Variants in RERE observed in about 807,000 individuals in gnomAD.
The protein encoded by RERE is arginine-glutamic acid dipeptide repeats.
In RERE, 40 loss-of-function variants were observed where a neutral mutation model predicts 146.1. That is an observed-to-expected ratio of 0.27 (90% CI 0.21 to 0.36). The LOEUF (loss-of-function observed/expected upper bound fraction) is 0.36, where lower values mean the gene tolerates loss of function less well. RERE is among the 10% of genes least tolerant of loss of function. The probability of loss-of-function intolerance (pLI) is 1.00; values close to 1 mark genes in which losing one functional copy is unlikely to be tolerated. For missense variants in RERE, 1,933 were observed against 2,138.7 expected (o/e 0.90, Z 1.90); for synonymous variants, 1,003 against 866.0 (o/e 1.16, Z -2.78).
At chr1:8,472,324 G>A (rs1007035637) in intron 10 of RERE, among the ~76,000 whole-genome samples, 3 of 152,142 alleles carry the variant, frequency 2.0e-5, no homozygotes, top group African/African-American at 7.2e-5. Flanking sequence ...ACATTACGTA[G>A]ATTTCAAATT....
intron 11 of RERE, among the ~76,000 whole-genome samples, chr1:8,445,383 C>T (rs183283574): frequency 6.6e-6 from 1 of 152,342 alleles, no homozygotes; most frequent in East Asian, 1.9e-4. Flanking sequence ...TGTTCAAGGA[C>T]AGTAAAAAGC....
Position 8,361,830 on chromosome 1 carries a change from T to G in RERE, c.1949A>C (p.Gln650Pro), listed in dbSNP as rs200900829. 1.4e-5 allele frequency: 22 copies of G among 1,614,142 alleles called. No individual in the cohort carries two copies. In the African/African-American group the frequency reaches 2.8e-4, roughly 21 times the overall value. The change falls in exon 17 of 23, where the codon CAG (glutamine) becomes CCG (proline). Residue 650 changes from glutamine to proline, a missense_variant. Gln to Pro is a moderately conservative substitution (Grantham distance 76). Coordinates refer to ENST00000400908, the MANE Select transcript of RERE (RefSeq NM_001042681.2). Reference sequence around the variant, plus strand: ...CGTATCAGAGGCCACCTTCTCCCGCTGGCGTTTGTTACTCTTAAGAGGGGA... The same window carrying G: ...CGTATCAGAGGCCACCTTCTCCCGCGGGCGTTTGTTACTCTTAAGAGGGGA... ...ASSPLKSNKR[Q>P]REKVASDTEE...
At chr1:8,413,319 T>A (rs1318643542) in intron 12 of RERE, among the ~76,000 whole-genome samples, 1 of 152,134 alleles carries the variant, frequency 6.6e-6, no homozygotes, top group Non-Finnish European at 1.5e-5. Context: ...AGTCCAAGAA[T>A]AAAATAAAAT....
Position 8,360,330 on chromosome 1 carries a change from C to T in RERE, c.3177G>A (p.Pro1059=), listed in dbSNP as rs747369023. 62 of 1,520,084 alleles carry T rather than the reference C, an allele frequency of 4.1e-5. No individual in the cohort carries two copies. Among genetic ancestry groups the T allele is most frequent in the Admixed American group, 3.5e-4 (17 of 48,982 alleles). 94.2% of individuals were successfully genotyped at this position (1,520,084 alleles called of 1,614,324 possible). A position where few individuals can be genotyped will look rare whatever the true frequency, so the allele number is the denominator to read the frequency against. ...PPTCPSTSTP[P]AGPGTSAQPP... The stretch of plus-strand genomic sequence containing the variant: ...GCTGGGCCGAGGTGCCAGGTCCCGC[C>T]GGTGGGGTAGAGGTGGAGGGGCAGG... The change falls in exon 18 of 23, where the codon CCG becomes CCA. Residue 1059 remains proline, a synonymous_variant. Coordinates refer to ENST00000400908, the MANE Select transcript of RERE (RefSeq NM_001042681.2).
chr1:8,526,834 A>C (rs543798964), intron 7 of RERE, among the ~76,000 whole-genome samples: 1 of 152,352 alleles, frequency 6.6e-6, no homozygotes, highest in East Asian at 1.9e-4. Context: ...AGGCAGATCC[A>C]TATAAGAAAT....
chr1:8,416,728 AT>A (rs1260080384), intron 12 of RERE, among the ~76,000 whole-genome samples: 1 of 152,244 alleles, frequency 6.6e-6, no homozygotes, highest in Non-Finnish European at 1.5e-5. Flanking sequence ...AAACTTTACA[AT>A]TTTAACAGAA....
At chr1:8,463,784 G>A (rs1034098675) in intron 11 of RERE, among the ~76,000 whole-genome samples, 2 of 152,156 alleles carry the variant, frequency 1.3e-5, no homozygotes, top group African/African-American at 4.8e-5. Flanking sequence ...GAAGAGAGAG[G>A]AGATGGCCAG....
chr1:8,755,451 T>TTA (rs1439179574), intron 1 of RERE, among the ~76,000 whole-genome samples: 1 of 152,112 alleles, frequency 6.6e-6, no homozygotes, highest in South Asian at 2.1e-4. Flanking sequence ...GATCTGTTGT[T>TTA]TATACAAGTT....
Position 8,692,357 on chromosome 1 carries a change from T to C in RERE, c.-144-35916A>G, listed in dbSNP as rs199648283. Among the ~76,000 whole-genome samples the C allele has an allele frequency of 2.1e-5, 3 of 141,456 alleles. No individual in the cohort carries two copies. In the East Asian group the frequency reaches 6.1e-4, roughly 29 times the overall value. The allele number at this position is 141,456 out of a possible 152,430, so 92.8% of individuals were successfully genotyped here. ...TTCTCCCATATACTTTTTTTTTTTC[T>C]TTTTTTTTGAGATGGAGTCTCACTG... On this transcript the variant is annotated intron_variant, in intron 1 of 22. Transcript: ENST00000400908.
At position 8,568,116 on chromosome 1, in the gene RERE, C is replaced by G. The variant is rs374471487; in HGVS notation, c.523-10593G>C. Among the ~76,000 whole-genome samples, 4 of 152,240 alleles carry G rather than the reference C, an allele frequency of 2.6e-5. No individual in the cohort carries two copies. In the South Asian group the frequency reaches 8.3e-4, roughly 32 times the overall value. Reference sequence around the variant, plus strand: ...TGTAGGTGGGACAGCATCTAATCGGCTGGGGTCCAGAACAGAACAAAAAAA... The same window carrying G: ...TGTAGGTGGGACAGCATCTAATCGGGTGGGGTCCAGAACAGAACAAAAAAA... On this transcript the variant is annotated intron_variant, in intron 4 of 22. Transcript: ENST00000400908.
intron 1 of RERE, among the ~76,000 whole-genome samples, chr1:8,728,576 T>C (rs1451174952): frequency 1.3e-5 from 2 of 152,128 alleles, no homozygotes; most frequent in Non-Finnish European, 2.9e-5. Flanking sequence ...CCACAGTTAT[T>C]TGAGATCAGC....
intron 12 of RERE, among the ~76,000 whole-genome samples, chr1:8,386,020 A>ATTTTTTTTTTTTTT (rs1557603339): frequency 2.7e-5 from 1 of 36,698 alleles, no homozygotes; most frequent in Non-Finnish European, 4.5e-5. Flanking sequence ...ATATATATAT[A>ATTTTTTTTTTTTTT]TATTTTTTTT....
intron 12 of RERE, among the ~76,000 whole-genome samples, chr1:8,378,832 G>C (rs1642350741): frequency 6.6e-6 from 1 of 152,226 alleles, no homozygotes; most frequent in Non-Finnish European, 1.5e-5. Flanking sequence ...GCAGAGAAGT[G>C]AGGCCTGCTG....
In RERE at chr1:8,602,475, T is replaced by C. The variant is rs530150667; in HGVS notation, c.522+12086A>G. On this transcript the variant is annotated intron_variant, in intron 4 of 22. Coordinates refer to ENST00000400908, the MANE Select transcript of RERE (RefSeq NM_001042681.2). ...AATTTATATGCATGTATATGTTTTA[T>C]AAGTTATAGAAGCCCATAAGAATTC... is the stretch of plus-strand genomic sequence containing the variant. 2.8e-5 allele frequency among the ~76,000 whole-genome samples: 4 copies of C among 145,304 alleles called. No individual in the cohort carries two copies. In the East Asian group the frequency reaches 8.1e-4, roughly 29 times the overall value.
chr1:8,813,951 C>A (rs1430251194), intron 1 of RERE, among the ~76,000 whole-genome samples: 3 of 152,084 alleles, frequency 2.0e-5, no homozygotes, highest in Non-Finnish European at 4.4e-5. Flanking sequence ...TTCGACTGAC[C>A]AGTAAATCAA....
At chr1:8,477,823 C>T (rs922371980) in intron 10 of RERE, among the ~76,000 whole-genome samples, 11 of 152,260 alleles carry the variant, frequency 7.2e-5, no homozygotes, top group African/African-American at 2.2e-4. Flanking sequence ...AAACAACAGT[C>T]CACCTAATAT....
chr1:8,594,517 G>A (rs960602190), intron 4 of RERE, among the ~76,000 whole-genome samples: 9 of 152,138 alleles, frequency 5.9e-5, no homozygotes, highest in East Asian at 5.8e-4. Context: ...AGACAGAGGC[G>A]CAGAAACCAC....
intron 4 of RERE, among the ~76,000 whole-genome samples, chr1:8,559,292 A>AAAAAAAAAAAAAAC (rs1553184778): frequency 6.9e-6 from 1 of 144,212 alleles, no homozygotes; most frequent in African/African-American, 2.5e-5. Context: ...AAAAAAAAAA[A>AAAAAAAAAAAAAAC]AAAAAAAAAA....
chr1:8,628,134 G>C (rs1312508477), intron 2 of RERE, among the ~76,000 whole-genome samples: 1 of 152,172 alleles, frequency 6.6e-6, no homozygotes, highest in East Asian at 1.9e-4. Flanking sequence ...ATTCATATCA[G>C]ACAGTCCAAT....
Sources: gnomAD v4.1 joint callset for allele counts (sites outside exome capture counted in the v4.1 genomes callset) on GRCh38, gnomAD v4.1.1 for gene constraint, MANE v1.5 for transcripts, NCBI Gene and HGNC (gene_info 2026-07-23, HGNC 2026-07-21) for gene names.